Variants in IGSF21 observed in about 807,000 individuals in gnomAD.
IGSF21 encodes the protein immunoglobin superfamily member 21.
A neutral mutation model predicts 46.8 loss-of-function variants in IGSF21; 28 were observed. The observed-to-expected ratio is 0.60, with a 90% CI of 0.44 to 0.82. The LOEUF (loss-of-function observed/expected upper bound fraction) is 0.82. IGSF21 is among the 40% of genes least tolerant of loss of function. IGSF21 has a pLI of 0.00. For missense variants in IGSF21, 624 were observed against 665.5 expected (o/e 0.94, Z 0.69); for synonymous variants, 284 against 273.6 (o/e 1.04, Z -0.38).
intron 1 of IGSF21, among the ~76,000 whole-genome samples, chr1:18,198,755 G>A (rs16861694): frequency 0.017 from 2,594 of 152,252 alleles, 67 homozygotes; most frequent in South Asian, 0.052. Flanking sequence ...TGGGTCATCC[G>A]ATGGCAGAGT....
intron 2 of IGSF21, among the ~76,000 whole-genome samples, chr1:18,234,622 T>G (rs1025264838): frequency 2.0e-5 from 3 of 152,080 alleles, no homozygotes; most frequent in Non-Finnish European, 4.4e-5. Context: ...AACACGTCCT[T>G]CTTCACATGG....
At chr1:18,221,733 T>A (rs1286593670) in intron 1 of IGSF21, among the ~76,000 whole-genome samples, 1 of 152,148 alleles carries the variant, frequency 6.6e-6, no homozygotes. Flanking sequence ...CCGCGCTTAG[T>A]GGGGCTCACA....
At chr1:18,267,424 C>A (rs962763573) in intron 2 of IGSF21, among the ~76,000 whole-genome samples, 2 of 152,130 alleles carry the variant, frequency 1.3e-5, no homozygotes, top group East Asian at 1.9e-4. Flanking sequence ...GATGGAGACT[C>A]TTCTCTACCC....
chr1:18,196,139 A>G (rs2087006710), intron 1 of IGSF21, among the ~76,000 whole-genome samples: 1 of 152,150 alleles, frequency 6.6e-6, no homozygotes, highest in South Asian at 2.1e-4. Context: ...AGTAGGGTTG[A>G]GGAGGATTTG....
Position 18,108,024 on chromosome 1 carries a change from G to C in IGSF21, c.-105G>C, listed in dbSNP as rs9660391. The C allele has an allele frequency of 0.54, 221,610 of 410,526 alleles. 60,739 individuals carry two copies. Among genetic ancestry groups the C allele is most frequent in the East Asian group, 0.71 (13,764 of 19,378 alleles). The allele number at this position is 410,526 out of a possible 1,614,324, so 25.4% of individuals were successfully genotyped here. ...TCTCCGCGCTGCCCGCCACCGCCTCGGCCAGTGGCCGGAGGCAGGAGCGCG... is the reference window on the plus strand; with the variant it reads ...TCTCCGCGCTGCCCGCCACCGCCTCCGCCAGTGGCCGGAGGCAGGAGCGCG... On this transcript the variant is annotated 5_prime_UTR_variant, in exon 1 of 10. Transcript: ENST00000251296.
intron 1 of IGSF21, among the ~76,000 whole-genome samples, chr1:18,182,847 A>G (rs2086869931): frequency 6.6e-6 from 1 of 152,190 alleles, no homozygotes; most frequent in Non-Finnish European, 1.5e-5. Context: ...AATTGCCTGT[A>G]GATTCCATGT....
chr1:18,174,410 T>C, intron 1 of IGSF21, among the ~76,000 whole-genome samples: 1 of 152,160 alleles, frequency 6.6e-6, no homozygotes, highest in East Asian at 1.9e-4. Context: ...GCTGATGAAA[T>C]GAAGCTTTGA....
At chr1:18,136,578 G>A (rs1184543573) in intron 1 of IGSF21, among the ~76,000 whole-genome samples, 1 of 152,156 alleles carries the variant, frequency 6.6e-6, no homozygotes, top group Non-Finnish European at 1.5e-5. Context: ...TAGATATGCA[G>A]CATTATTTCT....
At chr1:18,259,141 A>C (rs1221877267) in intron 2 of IGSF21, among the ~76,000 whole-genome samples, 1 of 152,210 alleles carries the variant, frequency 6.6e-6, no homozygotes, top group African/African-American at 2.4e-5. Flanking sequence ...CACCTGCCAC[A>C]TCCCCTCGGG....
rs1159313929 is a variant in IGSF21 at position 18,322,159 on chromosome 1, C to T, written c.306-12733C>T. ...GTTTTCAGTGCCTCGCACAGGGTCT[C>T]GCACACAGGAGGTGCTCAGTGAACC... On this transcript the variant is annotated intron_variant, in intron 3 of 9. Transcript: ENST00000251296. This position sits in a 1 kb window ranked among gnomAD's most constrained non-coding sequence, Gnocchi z 4.3. Among the ~76,000 whole-genome samples, 1 of 152,152 alleles carries T rather than the reference C, an allele frequency of 6.6e-6. No individual in the cohort carries two copies. Among genetic ancestry groups the T allele is most frequent in the Admixed American group, 6.6e-5 (1 of 15,260 alleles).
rs183578466 is a variant in IGSF21 at position 18,363,122 on chromosome 1, G to A, written c.540+892G>A. ...CACCTGAAGCACCTCTGTAGAACCC[G>A]TAGGCTTCCATGAAACCCATTTGGA... is the stretch of plus-strand genomic sequence containing the variant. On this transcript the variant is annotated intron_variant, in intron 5 of 9. Coordinates refer to ENST00000251296, the MANE Select transcript of IGSF21 (RefSeq NM_032880.5). 5.3e-5 allele frequency among the ~76,000 whole-genome samples: 8 copies of A among 152,310 alleles called. No homozygotes were observed. The East Asian group carries it at 1.4e-3, about 26-fold the overall frequency.
At chr1:18,166,929 T>C (rs538961603) in intron 1 of IGSF21, 2 of 153,402 alleles carry the variant, frequency 1.3e-5, no homozygotes, top group African/African-American at 4.8e-5. Context: ...ATCACCTTCA[T>C]TGGATCACAA....
chr1:18,259,825 G>A (rs1260987739), intron 2 of IGSF21, among the ~76,000 whole-genome samples: 7 of 152,276 alleles, frequency 4.6e-5, no homozygotes, highest in Middle Eastern at 3.4e-3. Context: ...AGGCAATGGC[G>A]GGCTTGGGAA....
intron 1 of IGSF21, among the ~76,000 whole-genome samples, chr1:18,168,951 C>T (rs1260549965): frequency 6.6e-6 from 1 of 152,168 alleles, no homozygotes; most frequent in African/African-American, 2.4e-5. Flanking sequence ...CCCCGAAGAG[C>T]CCTGTGTGTG....
At chr1:18,187,226 G>C (rs28696253) in intron 1 of IGSF21, among the ~76,000 whole-genome samples, 3 of 147,350 alleles carry the variant, frequency 2.0e-5, no homozygotes, top group African/African-American at 7.4e-5. Flanking sequence ...GATACAGAGA[G>C]AGAGAGAGAG....
intron 2 of IGSF21, among the ~76,000 whole-genome samples, chr1:18,270,130 C>T (rs2085028898): frequency 6.6e-6 from 1 of 152,190 alleles, no homozygotes; most frequent in African/African-American, 2.4e-5. Flanking sequence ...TTTTGCTCCC[C>T]ATTCTGCCTT....
rs2086818500 is a variant in IGSF21, at chr1:18,177,903, G to A, written c.71-49995G>A. On this transcript the variant is annotated intron_variant, in intron 1 of 9. Transcript: ENST00000251296. ...CCTAGGGGGTGGATGAAGAGGCGCT[G>A]AGATTGGTGAGTTTATCTGAAGGGG... Among the ~76,000 whole-genome samples the A allele has an allele frequency of 2.0e-5, 3 of 152,252 alleles. No homozygotes were observed. The South Asian group carries it at 6.2e-4, about 32-fold the overall frequency.
intron 1 of IGSF21, among the ~76,000 whole-genome samples, chr1:18,208,190 G>A (rs1557588108): frequency 6.6e-6 from 1 of 151,514 alleles, no homozygotes; most frequent in Non-Finnish European, 1.5e-5. Context: ...GGGCCCAGAG[G>A]CCTGGTGGGC....
At chr1:18,325,632 C>T (rs1230858813) in intron 3 of IGSF21, among the ~76,000 whole-genome samples, 6 of 152,150 alleles carry the variant, frequency 3.9e-5, no homozygotes, top group African/African-American at 1.4e-4. Flanking sequence ...GTAGGCTCAC[C>T]ATAATCTGCG....
Sources: allele counts gnomAD v4.1 joint callset (sites outside exome capture counted in the v4.1 genomes callset), GRCh38; gene constraint gnomAD v4.1.1; non-coding constraint Gnocchi (gnomAD v3.1); transcripts MANE v1.5; gene names NCBI Gene and HGNC (gene_info 2026-07-23, HGNC 2026-07-21).